The following COL4A4 variants were observed in gnomAD, a reference collection of about 807,000 sequenced individuals.
COL4A4 encodes collagen type IV alpha 4 chain, also known as collagen alpha-4(IV) chain.
A neutral mutation model predicts 192.9 loss-of-function variants in COL4A4; 105 were observed. That is an observed-to-expected ratio of 0.54 (90% CI 0.46 to 0.64). COL4A4 has a LOEUF of 0.64. COL4A4 is among the 30% of genes least tolerant of loss of function. The pLI, the probability that COL4A4 is intolerant of heterozygous loss-of-function variation, is 0.00. For synonymous variants in COL4A4, 762 were observed against 769.9 expected (o/e 0.99, Z 0.17); for missense variants, 1,967 against 2,169.3 (o/e 0.91, Z 1.85).
At chr2:227,133,617 C>T (rs974076398) in intron 4 of COL4A4, among the ~76,000 whole-genome samples, 8 of 152,150 alleles carry the variant, frequency 5.3e-5, no homozygotes, top group African/African-American at 1.4e-4. Context: ...CAAGGCCAGG[C>T]GTGGTGGCTC....
At chr2:227,023,200 G>T (rs1437451954) in intron 43 of COL4A4, among the ~76,000 whole-genome samples, 1 of 151,930 alleles carries the variant, frequency 6.6e-6, no homozygotes, top group African/African-American at 2.4e-5. Context: ...CAGCACTTTG[G>T]GAAGCCGAGG....
chr2:227,024,989 A>T (rs1046474116), intron 43 of COL4A4, among the ~76,000 whole-genome samples: 1 of 152,264 alleles, frequency 6.6e-6, no homozygotes. Context: ...TGAAAACATC[A>T]AATACAGTTT....
intron 4 of COL4A4, among the ~76,000 whole-genome samples, chr2:227,131,442 A>G (rs887935896): frequency 6.6e-6 from 1 of 152,142 alleles, no homozygotes; most frequent in Admixed American, 6.5e-5. Flanking sequence ...GGCATGAGCC[A>G]ACCTACCCTG....
intron 4 of COL4A4, 64 bp downstream of exon 4, chr2:227,140,097 A>G: frequency 7.1e-7 from 1 of 1,414,838 alleles, no homozygotes; most frequent in Non-Finnish European, 1.0e-6. Context: ...ATTACTTTAT[A>G]TTAAATATTC....
chr2:227,057,459 G>C lies in COL4A4; in HGVS notation c.2525C>G (p.Pro842Arg). 6.2e-7 allele frequency: 1 copy of C among 1,609,010 alleles called. No homozygotes were observed. Among genetic ancestry groups the C allele is most frequent in the African/African-American group, 1.3e-5 (1 of 75,022 alleles). Reference sequence around the variant, plus strand: ...CTTACCTGGGCTACCTGGATACCCAGGGAGTCCCGGTTGCCCTGGTATCCC... The same window carrying C: ...CTTACCTGGGCTACCTGGATACCCACGGAGTCCCGGTTGCCCTGGTATCCC... ...APGIPGQPGL[P>R]GYPGSPGAPG... The change falls in exon 29 of 48, where the codon CCT becomes CGT. Residue 842 changes from proline (P) to arginine (R), a missense_variant. By Grantham distance (103) the Pro-to-Arg change is moderately radical. Transcript: ENST00000396625.
chr2:227,082,434 G>C (rs905204401), intron 22 of COL4A4, among the ~76,000 whole-genome samples: 2 of 152,190 alleles, frequency 1.3e-5, no homozygotes, highest in Non-Finnish European at 2.9e-5. Context: ...GAGTTAAGAG[G>C]ACTGTATCAA....
the COL4A4 span, among the ~76,000 whole-genome samples, chr2:226,994,443 G>C: frequency 6.6e-6 from 1 of 152,204 alleles, no homozygotes. Flanking sequence ...TCTTCCATTG[G>C]TTCTATCGGG....
chr2:227,140,267 A>G (rs2063110018), intron 3 of COL4A4, 29 bp from the exon 4 acceptor site: 1 of 1,587,690 alleles, frequency 6.3e-7, no homozygotes, highest in African/African-American at 1.3e-5. Flanking sequence ...TATTTAGTAT[A>G]CCAGTACTCA....
chr2:227,111,546 A>G, intron 9 of COL4A4, 132 bp downstream of exon 9: 1 of 955,228 alleles, frequency 1.0e-6, no homozygotes, highest in Non-Finnish European at 1.7e-6. Flanking sequence ...ATTTTTGAAC[A>G]GGGAACCCAC....
At chr2:227,136,342 TGAG>T (rs1213583603) in intron 4 of COL4A4, among the ~76,000 whole-genome samples, 1 of 152,098 alleles carries the variant, frequency 6.6e-6, no homozygotes, top group Non-Finnish European at 1.5e-5. Flanking sequence ...TGAGCTCCTT[TGAG>T]AAGAACAGGA....
intron 4 of COL4A4, among the ~76,000 whole-genome samples, chr2:227,121,561 C>CAAAAAAAAAAA (rs766680844): frequency 3.4e-5 from 2 of 58,982 alleles, no homozygotes; most frequent in Admixed American, 1.9e-4. Context: ...GACCCTATCT[C>CAAAAAAAAAAA]AAAAAAAAAA....
chr2:227,026,527 T>C (rs116069346), intron 42 of COL4A4, among the ~76,000 whole-genome samples: 1,531 of 151,484 alleles, frequency 0.01, 34 homozygotes, highest in African/African-American at 0.035. Context: ...AATCAACATA[T>C]AAGCCCTTGT....
In COL4A4 at chr2:227,147,436, G is replaced by A. The variant is rs778093454; in HGVS notation, c.48C>T (p.Thr16=). ...IVLMRCSFRL[T]KSLATGPWSL... is the part of the protein sequence containing the mutation. ...ACCAGGGACCTGTGGCCAAGGACTT[G>A]GTCAATCTGAAGGAGCACCTCATTA... Residue 16 remains threonine (T), a synonymous_variant, in exon 2 of 48, where the codon ACC becomes ACT. Transcript: ENST00000396625. 4 of 1,613,768 alleles carry A rather than the reference G, an allele frequency of 2.5e-6. No individual in the cohort carries two copies. Among genetic ancestry groups the A allele is most frequent in the Non-Finnish European group, 3.4e-6 (4 of 1,179,778 alleles).
chr2:227,147,844 AATATAAAATATATTTTTAT>A (rs1216173441), intron 1 of COL4A4, among the ~76,000 whole-genome samples: 1 of 148,492 alleles, frequency 6.7e-6, no homozygotes, highest in Non-Finnish European at 1.5e-5. Flanking sequence ...TATATTTTTA[AATATAAAATATATTTTTAT>A]ATATGTATAA....
intron 1 of COL4A4, among the ~76,000 whole-genome samples, chr2:227,154,353 A>G (rs2064173016): frequency 6.6e-6 from 1 of 152,126 alleles, no homozygotes; most frequent in Admixed American, 6.5e-5. Context: ...TCAGCAACCC[A>G]ATCTTGAAAA....
intron 1 of COL4A4, among the ~76,000 whole-genome samples, chr2:227,151,907 G>A (rs115881956): frequency 3.3e-3 from 500 of 152,340 alleles, no homozygotes; most frequent in African/African-American, 0.011. Flanking sequence ...CCAGCACTGT[G>A]AGCAATAAAC....
chr2:227,152,113 C>T (rs2063990320), intron 1 of COL4A4, among the ~76,000 whole-genome samples: 1 of 152,196 alleles, frequency 6.6e-6, no homozygotes, highest in South Asian at 2.1e-4. Flanking sequence ...GTGGAGCTGG[C>T]AGGTTCCTGT....
At chr2:227,142,428 T>G (rs918381978) in intron 3 of COL4A4, among the ~76,000 whole-genome samples, 3 of 152,168 alleles carry the variant, frequency 2.0e-5, no homozygotes, top group Non-Finnish European at 4.4e-5. Context: ...CTGCCTTATC[T>G]CAGATATTGT....
At chr2:227,015,391 G>T (rs1486499694) in intron 44 of COL4A4, among the ~76,000 whole-genome samples, 1 of 152,098 alleles carries the variant, frequency 6.6e-6, no homozygotes. Context: ...AAGACTCTCA[G>T]AGCCCTCTCC....
Sources: allele counts gnomAD v4.1 joint callset (sites outside exome capture counted in the v4.1 genomes callset), GRCh38; gene constraint gnomAD v4.1.1; transcripts MANE v1.5; gene names NCBI Gene and HGNC (gene_info 2026-07-23, HGNC 2026-07-21).